ABCA13: variants seen among roughly 807,000 people sequenced by gnomAD.
The protein encoded by ABCA13 is ATP binding cassette subfamily A member 13, also known as ATP-binding cassette sub-family A member 13.
ABCA13 carries 476 observed loss-of-function variants against 478.7 expected under a neutral mutation model. The observed-to-expected ratio is 0.99, with a 90% CI of 0.92 to 1.07. The LOEUF is 1.07. Among genes scored for constraint, ABCA13 ranks in the 50% least tolerant of loss-of-function variants. The probability of loss-of-function intolerance (pLI) is 0.00; values close to 1 mark genes in which losing one functional copy is unlikely to be tolerated. For missense variants in ABCA13, 6,060 were observed against 5,910.6 expected, an observed-to-expected ratio of 1.03 and a Z score of -0.83; for synonymous variants, 2,252 against 2,158.9, an observed-to-expected ratio of 1.04 and a Z score of -1.20.
At chr7:48,421,477 A>G (rs1563228297) in intron 41 of ABCA13, among the ~76,000 whole-genome samples, 1 of 152,152 alleles carries the variant, frequency 6.6e-6, no homozygotes, top group South Asian at 2.1e-4. Flanking sequence ...TAGGGTCATT[A>G]TTTACTTTGA....
rs752968914 is a variant in ABCA13, at chr7:48,278,300, T to C, written c.7106T>C (p.Leu2369Pro). 1 of 1,612,688 alleles carries C rather than the reference T, an allele frequency of 6.2e-7. No homozygotes were observed. The highest frequency in any genetic ancestry group is 8.5e-7 in the Non-Finnish European group (1 of 1,179,116). Reference sequence around the variant, plus strand: ...TTCATGCAAGATTTATTTAATGCCCTTCTCAGGGAAACTTCAATGAAAAAT... The same window carrying C: ...TTCATGCAAGATTTATTTAATGCCCCTCTCAGGGAAACTTCAATGAAAAAT... ...LKFMQDLFNA[L>P]LRETSMKNKT... Residue 2369 changes from leucine to proline, a missense_variant, in exon 18 of 62, where the codon CTT (leucine) becomes CCT (proline). Physicochemically the swap from Leu to Pro is moderately conservative, Grantham distance 98. Around this residue, in one of 3 missense-constraint regions of ABCA13, gnomAD observed 4,423 missense variants for 4,309.1 expected, o/e 1.03. Coordinates refer to ENST00000435803, the MANE Select transcript of ABCA13 (RefSeq NM_152701.5).
chr7:48,198,376 A>G lies in ABCA13; in HGVS notation c.287+16A>G. 6 of 1,612,572 alleles carry G rather than the reference A, an allele frequency of 3.7e-6. No individual in the cohort carries two copies. The highest frequency in any genetic ancestry group is 4.2e-6 in the Non-Finnish European group (5 of 1,179,400). On this transcript the variant is annotated intron_variant, in intron 3 of 61. Coordinates refer to ENST00000435803, the MANE Select transcript of ABCA13 (RefSeq NM_152701.5). ...ATCATTTTCGGTAAGAGAAACACAAAGATCTTTTTCAGAAATCTCAGAAAG... is the reference window on the plus strand; with the variant it reads ...ATCATTTTCGGTAAGAGAAACACAAGGATCTTTTTCAGAAATCTCAGAAAG...
chr7:48,273,830 T>C lies in ABCA13; in HGVS notation c.4164T>C (p.Ile1388=). Reference sequence around the variant, plus strand: ...CCACATTTTCCTCTGAGAACACAATTAGCAGTCTGAAAGGATGCATTGTAT... The same window carrying C: ...CCACATTTTCCTCTGAGAACACAATCAGCAGTCTGAAAGGATGCATTGTAT... ...LNSTFSSENT[I]SSLKGCIVWL... is the part of the protein sequence containing the mutation. Residue 1388 remains isoleucine, a synonymous_variant, in exon 17 of 62, where the codon ATT becomes ATC. Coordinates refer to ENST00000435803, the MANE Select transcript of ABCA13 (RefSeq NM_152701.5). 1 of 1,612,236 alleles carries C rather than the reference T, an allele frequency of 6.2e-7. No homozygotes were observed.
intron 13 of ABCA13, among the ~76,000 whole-genome samples, chr7:48,247,476 A>G (rs888167050): frequency 7.9e-5 from 12 of 152,120 alleles, no homozygotes; most frequent in African/African-American, 2.9e-4. Context: ...TGCCTACGAT[A>G]CGTATCACTA....
intron 20 of ABCA13, among the ~76,000 whole-genome samples, chr7:48,293,192 G>GCGC (rs748200533): frequency 1.8e-5 from 2 of 108,278 alleles, no homozygotes; most frequent in Non-Finnish European, 3.9e-5. Flanking sequence ...GAAGTCTTCA[G>GCGC]CCCCCCCCCC....
chr7:48,283,391 A>G (rs1797310283), intron 19 of ABCA13, among the ~76,000 whole-genome samples: 1 of 152,134 alleles, frequency 6.6e-6, no homozygotes, highest in Non-Finnish European at 1.5e-5. Context: ...AAGTATGGCC[A>G]TGAGGGTGAG....
At chr7:48,487,057 T>C (rs770130535) in intron 47 of ABCA13, among the ~76,000 whole-genome samples, 1 of 152,030 alleles carries the variant, frequency 6.6e-6, no homozygotes, top group Non-Finnish European at 1.5e-5. Context: ...ATGCCTGTAA[T>C]CCCAGCACTT....
At chr7:48,406,740 G>C (rs1220621659) in intron 39 of ABCA13, among the ~76,000 whole-genome samples, 2 of 152,186 alleles carry the variant, frequency 1.3e-5, no homozygotes, top group African/African-American at 2.4e-5. Context: ...GGGCATGGTG[G>C]CGCATGCCTG....
intron 45 of ABCA13, among the ~76,000 whole-genome samples, chr7:48,472,624 G>T (rs775679869): frequency 5.9e-5 from 9 of 152,172 alleles, no homozygotes; most frequent in Non-Finnish European, 1.0e-4. Flanking sequence ...ACTCTCTGCT[G>T]CAGAGAGGGA....
chr7:48,412,522 A>G lies in ABCA13; in HGVS notation c.12398A>G (p.Asp4133Gly). 6.2e-7 allele frequency: 1 copy of G among 1,613,430 alleles called. No homozygotes were observed. Among genetic ancestry groups the G allele is most frequent in the Non-Finnish European group, 8.5e-7 (1 of 1,179,778 alleles). The change falls in exon 41 of 62, where the codon GAT (aspartate) becomes GGT (glycine). Residue 4133 changes from aspartate to glycine, a missense_variant. Physicochemically the swap from Asp to Gly is moderately conservative, Grantham distance 94. Coordinates refer to ENST00000435803, the MANE Select transcript of ABCA13 (RefSeq NM_152701.5). Reference protein sequence around the residue: ...ACLKGLFQALDENLHQLHLTG... With the variant: ...ACLKGLFQALGENLHQLHLTG... ...TTGAAAGGGCTCTTCCAGGCCCTGG[A>G]TGAGAACCTGCATCAGCTGCACCTG...
chr7:48,331,415 TA>T (rs1805380947), intron 27 of ABCA13, among the ~76,000 whole-genome samples: 1 of 152,232 alleles, frequency 6.6e-6, no homozygotes, highest in Non-Finnish European at 1.5e-5. Flanking sequence ...GGTGATTAAT[TA>T]AACAATATGA....
At chr7:48,589,933 A>G (rs1485926170) in intron 57 of ABCA13, among the ~76,000 whole-genome samples, 1 of 152,168 alleles carries the variant, frequency 6.6e-6, no homozygotes, top group East Asian at 1.9e-4. Context: ...ACACCTCTCA[A>G]TACTGTTTCA....
chr7:48,496,572 T>C (rs1006062800), intron 48 of ABCA13, among the ~76,000 whole-genome samples: 4 of 152,156 alleles, frequency 2.6e-5, no homozygotes, highest in Non-Finnish European at 5.9e-5. Context: ...TTTCCTGTTA[T>C]GATTTCCTTT....
intron 59 of ABCA13, among the ~76,000 whole-genome samples, chr7:48,633,969 T>C (rs1402643582): frequency 6.7e-6 from 1 of 148,906 alleles, no homozygotes; most frequent in African/African-American, 2.5e-5. Context: ...GATAGATAGA[T>C]AGATAGATAG....
intron 5 of ABCA13, among the ~76,000 whole-genome samples, chr7:48,223,742 A>G (rs926328948): frequency 2.6e-5 from 4 of 152,056 alleles, no homozygotes; most frequent in African/African-American, 9.7e-5. Flanking sequence ...CAATCACCTA[A>G]GGTCAGGAGT....
Position 48,313,169 on chromosome 7 carries a change from C to T in ABCA13, c.9619C>T (p.Leu3207Phe), listed in dbSNP as rs1257439906. The T allele has an allele frequency of 3.7e-6, 6 of 1,612,876 alleles. No homozygotes were observed. The African/African-American group carries it at 8.0e-5, about 22-fold the overall frequency. ...CAAAGCCCAGCACGTCTTTGAGTAT[C>T]TTCCTGAGTTTCTTCACACATTTAA... Reference protein sequence around the residue: ...LAKAQHVFEYLPEFLHTFKIT... With the variant: ...LAKAQHVFEYFPEFLHTFKIT... The change falls in exon 25 of 62, where the codon CTT (leucine) becomes TTT (phenylalanine). Residue 3207 changes from leucine to phenylalanine, a missense_variant. Transcript: ENST00000435803.
chr7:48,231,006 C>T (rs918665395), intron 7 of ABCA13, among the ~76,000 whole-genome samples: 3 of 151,880 alleles, frequency 2.0e-5, no homozygotes, highest in African/African-American at 4.8e-5. Context: ...GTCCAGTCGT[C>T]GGGTCGGGGG....
chr7:48,525,249 AT>A (rs372125641), intron 54 of ABCA13, among the ~76,000 whole-genome samples: 109 of 147,576 alleles, frequency 7.4e-4, no homozygotes, highest in African/African-American at 1.7e-3. Context: ...TTAAGAAAGG[AT>A]TTTTTTTTTT....
intron 50 of ABCA13, 139 bp from the exon 51 acceptor site, chr7:48,510,945 T>A: frequency 1.5e-6 from 1 of 687,704 alleles, no homozygotes; most frequent in Admixed American, 2.7e-5. Flanking sequence ...CCAGGACTAA[T>A]TCCACGGCTA....
Sources: allele counts gnomAD v4.1 joint callset (sites outside exome capture counted in the v4.1 genomes callset), GRCh38; gene constraint gnomAD v4.1.1; regional missense constraint gnomAD v4.1.1; transcripts MANE v1.5; gene names NCBI Gene and HGNC (gene_info 2026-07-23, HGNC 2026-07-21).